The following HECW1 variants were observed in gnomAD, a reference collection of about 807,000 sequenced individuals.
HECW1 encodes the protein E3 ubiquitin-protein ligase HECW1.
A neutral mutation model predicts 182.3 loss-of-function variants in HECW1; 61 were observed. The ratio of observed to expected loss-of-function variants is 0.33; its 90% CI spans 0.27 to 0.41. The LOEUF is 0.41. Among genes scored for constraint, HECW1 ranks in the 10% least tolerant of loss-of-function variants. The probability of loss-of-function intolerance (pLI) is 1.00; values close to 1 mark genes in which losing one functional copy is unlikely to be tolerated. For missense variants in HECW1, 1,739 were observed against 2,108.9 expected (o/e 0.82, Z 3.44); for synonymous variants, 859 against 832.6 (o/e 1.03, Z -0.55).
At chr7:43,343,034 A>G (rs1157255868) in intron 5 of HECW1, among the ~76,000 whole-genome samples, 1 of 151,658 alleles carries the variant, frequency 6.6e-6, no homozygotes, top group Non-Finnish European at 1.5e-5. Context: ...CAAAAGAAAA[A>G]AAAAAATGTT....
intron 3 of HECW1, among the ~76,000 whole-genome samples, chr7:43,272,682 T>A (rs544507766): frequency 1.2e-3 from 186 of 152,294 alleles, no homozygotes; most frequent in African/African-American, 4.2e-3. Flanking sequence ...GATGATGGCA[T>A]GGCTGTGGAG....
chr7:43,189,342 G>T (rs144162715), intron 2 of HECW1, among the ~76,000 whole-genome samples: 360 of 152,062 alleles, frequency 2.4e-3, no homozygotes, highest in African/African-American at 8.2e-3. Flanking sequence ...CTGAGACTTC[G>T]CATTTCTAAT....
chr7:43,317,326 AG>A (rs1244272517), intron 4 of HECW1, among the ~76,000 whole-genome samples: 1 of 152,212 alleles, frequency 6.6e-6, no homozygotes, highest in African/African-American at 2.4e-5. Context: ...CCTGGACAGC[AG>A]CCTCCTGCCC....
chr7:43,300,355 A>G (rs146281785), intron 3 of HECW1, among the ~76,000 whole-genome samples: 5 of 152,308 alleles, frequency 3.3e-5, no homozygotes, highest in African/African-American at 7.2e-5. Context: ...TTAGAGCTAG[A>G]AAGAGCACAA....
chr7:43,474,522 A>C (rs1432886254), intron 16 of HECW1, among the ~76,000 whole-genome samples: 1 of 152,162 alleles, frequency 6.6e-6, no homozygotes, highest in Non-Finnish European at 1.5e-5. Flanking sequence ...ATCAATGGCA[A>C]AATAAAGATA....
intron 8 of HECW1, among the ~76,000 whole-genome samples, chr7:43,427,717 CCTT>C (rs1318326493): frequency 1.3e-5 from 2 of 152,112 alleles, no homozygotes. Context: ...TCATCTAGGG[CCTT>C]GTCTGGTGAA....
rs1158911742 is a variant in HECW1 at position 43,541,256 on chromosome 7, G to A, written c.4113G>A (p.Leu1371=). 6.2e-7 allele frequency: 1 copy of A among 1,612,246 alleles called. No homozygotes were observed. The highest frequency in any genetic ancestry group is 1.7e-5 in the Admixed American group (1 of 59,998). The part of the protein sequence containing the change: ...FFTRPFYKAL[L]RLPCDLSDLE... Reference sequence around the variant, plus strand: ...CGAGGCCCTTCTACAAGGCACTCCTGAGACTGTAAGTGCTTTGCAGACCAT... The same window carrying A: ...CGAGGCCCTTCTACAAGGCACTCCTAAGACTGTAAGTGCTTTGCAGACCAT... Residue 1371 remains leucine (L), a synonymous_variant, in exon 25 of 30, where the codon CTG becomes CTA. Coordinates refer to ENST00000395891, the MANE Select transcript of HECW1 (RefSeq NM_015052.5).
intron 24 of HECW1, among the ~76,000 whole-genome samples, chr7:43,537,485 T>C (rs528220798): frequency 6.6e-6 from 1 of 152,194 alleles, no homozygotes; most frequent in Non-Finnish European, 1.5e-5. Context: ...CCACAGGCAA[T>C]TGTTTAGTTT....
At chr7:43,433,199 G>T (rs1055645837) in intron 8 of HECW1, among the ~76,000 whole-genome samples, 1 of 152,240 alleles carries the variant, frequency 6.6e-6, no homozygotes, top group Non-Finnish European at 1.5e-5. Context: ...ACTCAGGTTT[G>T]AAGAATGCTT....
At position 43,550,013 on chromosome 7, in the gene HECW1, G is replaced by A. The variant is rs556000498; in HGVS notation, c.4249-432G>A. ...GTGCTTAGCAATCTGCTTAGAGGTC[G>A]GGTGCAGTGGCTCCCAATACTTTGG... On this transcript the variant is annotated intron_variant, in intron 26 of 29. Coordinates refer to ENST00000395891, the MANE Select transcript of HECW1 (RefSeq NM_015052.5). 3.9e-5 allele frequency among the ~76,000 whole-genome samples: 6 copies of A among 152,144 alleles called. No homozygotes were observed. The East Asian group carries it at 9.7e-4, about 24-fold the overall frequency.
intron 4 of HECW1, among the ~76,000 whole-genome samples, chr7:43,317,421 C>T (rs1437309748): frequency 1.3e-5 from 2 of 152,240 alleles, no homozygotes; most frequent in East Asian, 1.9e-4. Context: ...GCATCAGCCT[C>T]GTTGGAGAGC....
chr7:43,164,390 G>A (rs1446669623), intron 2 of HECW1, among the ~76,000 whole-genome samples: 1 of 152,234 alleles, frequency 6.6e-6, no homozygotes, highest in Non-Finnish European at 1.5e-5. Context: ...TGCATAAGTT[G>A]AGTTGAAGGT....
At chr7:43,145,879 A>C (rs1788654013) in intron 2 of HECW1, among the ~76,000 whole-genome samples, 1 of 152,160 alleles carries the variant, frequency 6.6e-6, no homozygotes, top group Non-Finnish European at 1.5e-5. Context: ...TGGGTCTACC[A>C]CTTTGGGTCC....
chr7:43,482,659 A>T (rs1374375231), intron 17 of HECW1, among the ~76,000 whole-genome samples: 1 of 152,182 alleles, frequency 6.6e-6, no homozygotes, highest in Non-Finnish European at 1.5e-5. Context: ...TAATGAAAAC[A>T]CTTTGGGAAG....
chr7:43,403,331 A>G (rs1395042109), intron 7 of HECW1, among the ~76,000 whole-genome samples: 1 of 152,196 alleles, frequency 6.6e-6, no homozygotes, highest in Non-Finnish European at 1.5e-5. Flanking sequence ...GGCAAAGGAA[A>G]AGGACTTTGA....
chr7:43,450,684 T>C (rs1395767739), intron 11 of HECW1, 144 bp from the exon 12 acceptor site: 3 of 619,996 alleles, frequency 4.8e-6, no homozygotes, highest in Non-Finnish European at 8.7e-6. Context: ...TGACTGTGAA[T>C]GTAGCAAACT....
At chr7:43,114,959 C>T (rs1784925553) in intron 2 of HECW1, among the ~76,000 whole-genome samples, 1 of 152,180 alleles carries the variant, frequency 6.6e-6, no homozygotes, top group South Asian at 2.1e-4. Context: ...TTGAGCTTTA[C>T]CTTCTATTAT....
chr7:43,526,198 C>G (rs78484705), intron 24 of HECW1, among the ~76,000 whole-genome samples: 2,990 of 152,286 alleles, frequency 0.02, 91 homozygotes, highest in African/African-American at 0.067. Context: ...TCTTGTGTGG[C>G]ATGGCAACTT....
At chr7:43,423,229 C>T (rs2076252796) in intron 8 of HECW1, among the ~76,000 whole-genome samples, 2 of 152,142 alleles carry the variant, frequency 1.3e-5, no homozygotes, top group African/African-American at 4.8e-5. Context: ...ATTATTTCCC[C>T]AGGACAGCAG....
Sources: allele counts gnomAD v4.1 joint callset (sites outside exome capture counted in the v4.1 genomes callset), GRCh38; gene constraint gnomAD v4.1.1; transcripts MANE v1.5; gene names NCBI Gene and HGNC (gene_info 2026-07-23, HGNC 2026-07-21).